KIF26B: variants seen among roughly 807,000 people sequenced by gnomAD.
KIF26B encodes kinesin family member 26B.
A neutral mutation model predicts 151.2 loss-of-function variants in KIF26B; 63 were observed. The ratio of observed to expected loss-of-function variants is 0.42; its 90% CI spans 0.34 to 0.51. The LOEUF is 0.51. Among genes scored for constraint, KIF26B ranks in the 20% least tolerant of loss-of-function variants. The probability of loss-of-function intolerance (pLI) is 0.07; values close to 1 mark genes in which losing one functional copy is unlikely to be tolerated. For synonymous variants in KIF26B, 1,357 were observed against 1,262.1 expected, an observed-to-expected ratio of 1.08 and a Z score of -1.59; for missense variants, 2,813 against 2,913.6, an observed-to-expected ratio of 0.97 and a Z score of 0.79.
chr1:245,292,440 G>A (rs558672830), intron 2 of KIF26B, among the ~76,000 whole-genome samples: 16 of 152,288 alleles, frequency 1.1e-4, no homozygotes, highest in East Asian at 3.9e-4. Flanking sequence ...GTCCTCAAAC[G>A]GTCCTTGCTA....
chr1:245,671,912 C>T (rs1410307024), intron 10 of KIF26B, among the ~76,000 whole-genome samples: 5 of 152,174 alleles, frequency 3.3e-5, no homozygotes, highest in South Asian at 4.1e-4. Context: ...TAGAGGGGTG[C>T]GTGCCCCGAG....
chr1:245,532,438 G>A (rs1661393785), intron 4 of KIF26B, among the ~76,000 whole-genome samples: 2 of 151,676 alleles, frequency 1.3e-5, no homozygotes, highest in South Asian at 4.2e-4. Flanking sequence ...GTAGAGACGG[G>A]GTTTCATCGT....
intron 5 of KIF26B, among the ~76,000 whole-genome samples, chr1:245,574,019 TG>T (rs2043092857): frequency 6.6e-6 from 1 of 152,242 alleles, no homozygotes; most frequent in Non-Finnish European, 1.5e-5. Context: ...AGGTTGACTG[TG>T]GGTAACTCAA....
In KIF26B at chr1:245,333,719, C is replaced by T. The variant is rs189351982; in HGVS notation, c.466-33115C>T. Among the ~76,000 whole-genome samples the T allele has an allele frequency of 2.4e-3, 367 of 152,308 alleles. 6 individuals are homozygous for T. Among genetic ancestry groups the T allele is most frequent in the Admixed American group, 0.022 (344 of 15,292 alleles). ...CCTTAACTTAAATATCTCCTCAGGCCGGGTGTGGTGGCTCATACCTGTAAT... is the reference window on the plus strand; with the variant it reads ...CCTTAACTTAAATATCTCCTCAGGCTGGGTGTGGTGGCTCATACCTGTAAT... On this transcript the variant is annotated intron_variant, in intron 2 of 14. Transcript: ENST00000407071.
intron 2 of KIF26B, among the ~76,000 whole-genome samples, chr1:245,294,889 C>T (rs1671312460): frequency 6.6e-6 from 1 of 152,176 alleles, no homozygotes; most frequent in African/African-American, 2.4e-5. Flanking sequence ...TCTCGAACTC[C>T]TGATCTCAAG....
At chr1:245,169,626 A>G (rs916263016) in intron 2 of KIF26B, among the ~76,000 whole-genome samples, 2 of 152,006 alleles carry the variant, frequency 1.3e-5, no homozygotes, top group African/African-American at 4.8e-5. Context: ...CGGGGTGGTA[A>G]ATGCGATACA....
In KIF26B at chr1:245,262,249, G is replaced by A. The variant is rs114104751; in HGVS notation, c.466-104585G>A. Among the ~76,000 whole-genome samples the A allele has an allele frequency of 7.1e-3, 1,074 of 152,098 alleles. 3 individuals carry two copies. The highest frequency in any genetic ancestry group is 0.012 in the Non-Finnish European group (786 of 68,000). On this transcript the variant is annotated intron_variant, in intron 2 of 14. Transcript: ENST00000407071. Reference sequence around the variant, plus strand: ...CCGGCTGATGGAAGAAAAGTTCAGGGGCTTCTCATTTTGATTACCTGTGAT... The same window carrying A: ...CCGGCTGATGGAAGAAAAGTTCAGGAGCTTCTCATTTTGATTACCTGTGAT...
chr1:245,314,898 A>C (rs1671734250), intron 2 of KIF26B, among the ~76,000 whole-genome samples: 1 of 152,216 alleles, frequency 6.6e-6, no homozygotes, highest in African/African-American at 2.4e-5. Context: ...TTTGGCTTTA[A>C]GGCCAGGCGC....
intron 2 of KIF26B, among the ~76,000 whole-genome samples, chr1:245,268,928 C>T (rs556460220): frequency 6.6e-6 from 1 of 152,122 alleles, no homozygotes; most frequent in African/African-American, 2.4e-5. Flanking sequence ...GTGTCTGGTA[C>T]AGGTGAGCCA....
At chr1:245,423,962 C>T (rs1658562815) in intron 4 of KIF26B, among the ~76,000 whole-genome samples, 1 of 151,946 alleles carries the variant, frequency 6.6e-6, no homozygotes, top group African/African-American at 2.4e-5. Context: ...CTTCAGCCTC[C>T]TGAGTAGCTG....
intron 2 of KIF26B, among the ~76,000 whole-genome samples, chr1:245,164,288 A>G (rs1668580897): frequency 1.3e-5 from 2 of 152,326 alleles, no homozygotes; most frequent in African/African-American, 4.8e-5. Context: ...TTGTATTCCC[A>G]TAATAAACCC....
chr1:245,538,902 T>G (rs1661541847), intron 4 of KIF26B, among the ~76,000 whole-genome samples: 1 of 152,256 alleles, frequency 6.6e-6, no homozygotes, highest in South Asian at 2.1e-4. Flanking sequence ...GATGAGTCAC[T>G]GTTCATTTAG....
chr1:245,203,301 A>G (rs1161004431), intron 2 of KIF26B, among the ~76,000 whole-genome samples: 1 of 151,470 alleles, frequency 6.6e-6, no homozygotes, highest in Non-Finnish European at 1.5e-5. Flanking sequence ...TTTGGCATCC[A>G]TAAGAAAAAT....
At chr1:245,329,443 G>A (rs1187241263) in intron 2 of KIF26B, among the ~76,000 whole-genome samples, 1 of 152,164 alleles carries the variant, frequency 6.6e-6, no homozygotes, top group Non-Finnish European at 1.5e-5. Context: ...CACCCTCATC[G>A]CCACTATCTC....
intron 2 of KIF26B, among the ~76,000 whole-genome samples, chr1:245,284,813 C>T (rs887144805): frequency 2.0e-5 from 3 of 151,760 alleles, no homozygotes; most frequent in African/African-American, 4.8e-5. Context: ...CTGAGGCGGG[C>T]GGATCACCTG....
chr1:245,250,232 TCTC>T (rs1306256327), intron 2 of KIF26B, among the ~76,000 whole-genome samples: 5 of 152,168 alleles, frequency 3.3e-5, no homozygotes, highest in African/African-American at 1.2e-4. Flanking sequence ...GGTACCTACA[TCTC>T]TTTGTAGGTA....
At chr1:245,226,594 G>A (rs949633604) in intron 2 of KIF26B, among the ~76,000 whole-genome samples, 3 of 152,068 alleles carry the variant, frequency 2.0e-5, no homozygotes, top group South Asian at 4.1e-4. Context: ...CTCCTGAGTA[G>A]CTGGGATTAC....
chr1:245,421,289 G>A (rs1376104338), intron 4 of KIF26B, among the ~76,000 whole-genome samples: 2 of 152,180 alleles, frequency 1.3e-5, no homozygotes, highest in South Asian at 2.1e-4. Context: ...GGCATGGCAG[G>A]TTCAGTTTGG....
intron 5 of KIF26B, among the ~76,000 whole-genome samples, chr1:245,558,287 G>A (rs1403605131): frequency 6.6e-6 from 1 of 152,196 alleles, no homozygotes; most frequent in Non-Finnish European, 1.5e-5. Context: ...CAAGGCTGCA[G>A]GGGGCTGGCT....
Sources: allele counts gnomAD v4.1 joint callset (sites outside exome capture counted in the v4.1 genomes callset), GRCh38; gene constraint gnomAD v4.1.1; transcripts MANE v1.5; gene names NCBI Gene and HGNC (gene_info 2026-07-23, HGNC 2026-07-21).